XKR4: variants seen among roughly 807,000 people sequenced by gnomAD.
The protein encoded by XKR4 is XK-related protein 4.
A neutral mutation model predicts 53.9 loss-of-function variants in XKR4; 12 were observed. The observed-to-expected ratio is 0.22, with a 90% CI of 0.14 to 0.36. The LOEUF (loss-of-function observed/expected upper bound fraction) is 0.36, where lower values mean the gene tolerates loss of function less well. Ranked by LOEUF, XKR4 falls within the 10% of genes least tolerant of loss-of-function variation. The probability of loss-of-function intolerance (pLI) is 1.00; values close to 1 mark genes in which losing one functional copy is unlikely to be tolerated. For synonymous variants in XKR4, 354 were observed against 362.4 expected, an observed-to-expected ratio of 0.98 and a Z score of 0.26; for missense variants, 799 against 859.5, an observed-to-expected ratio of 0.93 and a Z score of 0.88.
chr8:55,127,619 A>G (rs547723341), intron 1 of XKR4, among the ~76,000 whole-genome samples: 274 of 150,454 alleles, frequency 1.8e-3, no homozygotes, highest in African/African-American at 6.6e-3. Context: ...TTTAGGGTAC[A>G]TGTGCACAAC....
intron 2 of XKR4, among the ~76,000 whole-genome samples, chr8:55,470,106 A>G (rs1805857520): frequency 6.6e-6 from 1 of 152,094 alleles, no homozygotes; most frequent in African/African-American, 2.4e-5. Context: ...AGATAAAGTA[A>G]CCCTATCGGC....
chr8:55,272,886 A>T (rs1363750460), intron 1 of XKR4: 1 of 453,150 alleles, frequency 2.2e-6, no homozygotes, highest in East Asian at 6.9e-5. Context: ...TTCCTCTAAT[A>T]AATTATTCAT....
chr8:55,121,833 T>TACACACAC (rs35625262), intron 1 of XKR4, among the ~76,000 whole-genome samples: 34 of 148,710 alleles, frequency 2.3e-4, no homozygotes, highest in African/African-American at 8.4e-4. Context: ...AATACAACAT[T>TACACACAC]ACACACACAC....
intron 1 of XKR4, among the ~76,000 whole-genome samples, chr8:55,248,940 A>G (rs954269754): frequency 6.6e-6 from 1 of 152,274 alleles, no homozygotes; most frequent in African/African-American, 2.4e-5. Context: ...GATTTGGCAA[A>G]GGAAGATGGA....
At chr8:55,424,287 C>T (rs1194146591) in intron 2 of XKR4, among the ~76,000 whole-genome samples, 2 of 152,220 alleles carry the variant, frequency 1.3e-5, no homozygotes, top group African/African-American at 4.8e-5. Flanking sequence ...TTTAGACACA[C>T]AGGCAGGGTG....
At chr8:55,149,902 A>C (rs552496295) in intron 1 of XKR4, among the ~76,000 whole-genome samples, 12 of 152,192 alleles carry the variant, frequency 7.9e-5, no homozygotes, top group Admixed American at 6.5e-5. Flanking sequence ...CAATCCATAC[A>C]AGGGGAAACC....
chr8:55,167,496 ACCCAGGAC>A lies in XKR4; in HGVS notation c.806+64207_806+64214del, dbSNP rs1344419617. On this transcript the variant is annotated intron_variant, in intron 1 of 2. Coordinates refer to ENST00000327381, the MANE Select transcript of XKR4 (RefSeq NM_052898.2). Reference sequence around the variant, plus strand: ...AAGGCAGAACCGTAGGACGAAAAGAACCCAGGACCCCAAATAACCAGGTGCAAAGCCAC... The same window carrying A: ...AAGGCAGAACCGTAGGACGAAAAGAACCCAAATAACCAGGTGCAAAGCCAC... 9.8e-5 allele frequency among the ~76,000 whole-genome samples: 15 copies of A among 152,294 alleles called. No individual in the cohort carries two copies. The East Asian group carries it at 2.9e-3, about 29-fold the overall frequency.
At chr8:55,141,055 A>C (rs1029793863) in intron 1 of XKR4, among the ~76,000 whole-genome samples, 3 of 152,128 alleles carry the variant, frequency 2.0e-5, no homozygotes, top group Non-Finnish European at 4.4e-5. Flanking sequence ...ACATCACCAC[A>C]ATCAATTTTG....
intron 2 of XKR4, among the ~76,000 whole-genome samples, chr8:55,379,807 C>G (rs1055803505): frequency 6.6e-6 from 1 of 152,188 alleles, no homozygotes; most frequent in Non-Finnish European, 1.5e-5. Context: ...GGGGCAGAGG[C>G]CCTCCCCTCC....
intron 2 of XKR4, among the ~76,000 whole-genome samples, chr8:55,366,049 G>A (rs1425970857): frequency 6.6e-6 from 1 of 152,216 alleles, no homozygotes; most frequent in East Asian, 1.9e-4. Context: ...ACGAGGCTGG[G>A]GCCAGGAATG....
At chr8:55,519,024 T>C (rs1011118120) in intron 2 of XKR4, among the ~76,000 whole-genome samples, 1 of 152,190 alleles carries the variant, frequency 6.6e-6, no homozygotes, top group Non-Finnish European at 1.5e-5. Flanking sequence ...GCAGGTTAAC[T>C]GTTAGCGCCC....
intron 1 of XKR4, among the ~76,000 whole-genome samples, chr8:55,251,544 T>C (rs543744395): frequency 1.3e-5 from 2 of 152,366 alleles, no homozygotes; most frequent in East Asian, 3.9e-4. Flanking sequence ...TATAGATCCA[T>C]ATAGCTTTGG....
Position 55,525,800 on chromosome 8 carries a change from A to G in XKR4, c.*1573A>G, listed in dbSNP as rs1417088696. On this transcript the variant is annotated 3_prime_UTR_variant, in exon 3 of 3. Transcript: ENST00000327381. Reference sequence around the variant, plus strand: ...TTTTATAGACCTGGAATCGTTTAAAATACTTTAAGCATCATAATTACTTGG... The same window carrying G: ...TTTTATAGACCTGGAATCGTTTAAAGTACTTTAAGCATCATAATTACTTGG... 6.6e-6 allele frequency: 1 copy of G among 152,594 alleles called. No homozygotes were observed. Among genetic ancestry groups the G allele is most frequent in the Non-Finnish European group, 1.5e-5 (1 of 68,054 alleles). The allele number at this position is 152,594 out of a possible 1,614,324, so 9.5% of individuals were successfully genotyped here. A position where few individuals can be genotyped will look rare whatever the true frequency, so the allele number is the denominator to read the frequency against.
At chr8:55,442,029 GAC>G (rs1805277043) in intron 2 of XKR4, among the ~76,000 whole-genome samples, 1 of 151,748 alleles carries the variant, frequency 6.6e-6, no homozygotes. Context: ...AAAATGGAAA[GAC>G]ACAATACAAA....
intron 2 of XKR4, among the ~76,000 whole-genome samples, chr8:55,359,551 C>G (rs1267262948): frequency 6.6e-6 from 1 of 152,216 alleles, no homozygotes; most frequent in African/African-American, 2.4e-5. Flanking sequence ...AACTTGGCAA[C>G]TCCTTAGTAT....
chr8:55,272,363 G>T (rs1238439648), intron 1 of XKR4, among the ~76,000 whole-genome samples: 1 of 152,180 alleles, frequency 6.6e-6, no homozygotes, highest in Non-Finnish European at 1.5e-5. Context: ...CCTTAAAGAT[G>T]TTGCTGGGTA....
At chr8:55,450,167 G>C (rs1585579310) in intron 2 of XKR4, 1 of 669,836 alleles carries the variant, frequency 1.5e-6, no homozygotes, top group Admixed American at 1.9e-5. Flanking sequence ...ATGGCGTCAG[G>C]CTGGGCTCGG....
chr8:55,450,496 C>A, intron 2 of XKR4: 1 of 632,572 alleles, frequency 1.6e-6, no homozygotes, highest in East Asian at 3.3e-5. Context: ...ACAGCAGCCC[C>A]AGCTCAATGT....
intron 2 of XKR4, among the ~76,000 whole-genome samples, chr8:55,471,441 G>T (rs1449346697): frequency 6.6e-6 from 1 of 152,082 alleles, no homozygotes; most frequent in African/African-American, 2.4e-5. Flanking sequence ...GCGCATCCAT[G>T]CAGAATCTGA....
Sources: allele counts gnomAD v4.1 joint callset (sites outside exome capture counted in the v4.1 genomes callset), GRCh38; gene constraint gnomAD v4.1.1; transcripts MANE v1.5; gene names NCBI Gene and HGNC (gene_info 2026-07-23, HGNC 2026-07-21).